DMD: variants seen among roughly 807,000 people sequenced by gnomAD.
DMD encodes the protein dystrophin.
In DMD, 63 loss-of-function variants were observed where a neutral mutation model predicts 330.1. That is an observed-to-expected ratio of 0.19 (90% CI 0.16 to 0.24). The LOEUF (loss-of-function observed/expected upper bound fraction) is 0.24. DMD is among the 10% of genes least tolerant of loss of function. The pLI, the probability that DMD is intolerant of heterozygous loss-of-function variation, is 1.00. For missense variants in DMD, 3,344 were observed against 2,684.1 expected (o/e 1.25, Z -5.43); for synonymous variants, 1,223 against 959.8 (o/e 1.27, Z -5.07).
rs765343448 is a variant in DMD, at chrX:32,458,608, C to T, written c.3433-3776G>A. 9.2e-4 allele frequency among the ~76,000 whole-genome samples: 102 copies of T among 111,351 alleles called. 1 individual carries two copies. The Middle Eastern group carries it at 0.033, about 36-fold the overall frequency. On this transcript the variant is annotated intron_variant, in intron 25 of 78. Coordinates refer to ENST00000357033, the MANE Select transcript of DMD (RefSeq NM_004006.3). ...ATGGCTGCACCAATTTACATTCCAACCAACACCATAAAAGAATTCCCTTTT... is the reference window on the plus strand; with the variant it reads ...ATGGCTGCACCAATTTACATTCCAATCAACACCATAAAAGAATTCCCTTTT...
intron 41 of DMD, among the ~76,000 whole-genome samples, chrX:32,331,566 G>A (rs762924060): frequency 1.9e-4 from 21 of 110,850 alleles, no homozygotes; most frequent in African/African-American, 6.8e-4. Flanking sequence ...ATTTGACACA[G>A]TATATTACTA....
intron 1 of DMD, among the ~76,000 whole-genome samples, chrX:33,126,448 C>T (rs998170013): frequency 7.2e-5 from 8 of 111,284 alleles, no homozygotes; most frequent in African/African-American, 2.6e-4. Flanking sequence ...AGGACTGAAT[C>T]AGAAACTCTG....
At chrX:33,277,931 G>C (rs1222562026) in intron 1 of DMD, among the ~76,000 whole-genome samples, 1 of 110,568 alleles carries the variant, frequency 9.0e-6, no homozygotes, top group Non-Finnish European at 1.9e-5. Context: ...GTGAGACCCT[G>C]TCTACACAAA....
intron 34 of DMD, among the ~76,000 whole-genome samples, chrX:32,377,797 T>A (rs2097909892): frequency 1.8e-5 from 2 of 111,446 alleles, no homozygotes; most frequent in African/African-American, 6.5e-5. Flanking sequence ...AAATGTCTCC[T>A]ATAATTCATA....
chrX:32,843,641 G>C (rs1467841018), intron 4 of DMD, among the ~76,000 whole-genome samples: 1 of 112,201 alleles, frequency 8.9e-6, no homozygotes, highest in African/African-American at 3.2e-5. Flanking sequence ...TATTTTAAGA[G>C]TAAGTGATCA....
intron 7 of DMD, among the ~76,000 whole-genome samples, chrX:32,709,241 G>A (rs1334964787): frequency 9.0e-6 from 1 of 111,521 alleles, no homozygotes; most frequent in African/African-American, 3.3e-5. Context: ...TTACAGAAGT[G>A]AAGATAATCA....
At chrX:32,499,563 G>T (rs2043833684) in intron 19 of DMD, among the ~76,000 whole-genome samples, 1 of 111,616 alleles carries the variant, frequency 9.0e-6, no homozygotes, top group Non-Finnish European at 1.9e-5. Context: ...TACAAAAAGG[G>T]CAAGAATGTA....
chrX:32,961,431 A>C (rs34890189), intron 2 of DMD, among the ~76,000 whole-genome samples: 36,840 of 109,562 alleles, frequency 0.34, 5,015 homozygotes, highest in African/African-American at 0.5. Flanking sequence ...CATTGCAAAT[A>C]CATTTAAAAA....
intron 29 of DMD, among the ~76,000 whole-genome samples, chrX:32,429,387 G>GTTTTTTTTTGTTTTT (rs2098227559): frequency 6.8e-5 from 3 of 44,197 alleles, no homozygotes; most frequent in African/African-American, 3.3e-4. Context: ...TTTTTTTTGG[G>GTTTTTTTTTGTTTTT]TTTTTTTTTT....
intron 41 of DMD, among the ~76,000 whole-genome samples, chrX:32,316,946 G>A (rs971443370): frequency 1.8e-5 from 2 of 111,056 alleles, no homozygotes; most frequent in African/African-American, 6.5e-5. Flanking sequence ...AGTGTAATTA[G>A]AAATATCATG....
At chrX:33,218,900 T>C (rs1480270586) in intron 1 of DMD, among the ~76,000 whole-genome samples, 1 of 111,930 alleles carries the variant, frequency 8.9e-6, no homozygotes, top group East Asian at 2.8e-4. Flanking sequence ...AGACCATTTA[T>C]TGAACTTTTT....
chrX:31,742,462 T>C (rs368384708), intron 51 of DMD, among the ~76,000 whole-genome samples: 29 of 112,127 alleles, frequency 2.6e-4, no homozygotes, highest in Non-Finnish European at 4.7e-4. Flanking sequence ...AATTTCAATA[T>C]TGTTGTGTCT....
At chrX:32,689,291 T>C (rs1350535199) in intron 9 of DMD, among the ~76,000 whole-genome samples, 1 of 110,531 alleles carries the variant, frequency 9.0e-6, no homozygotes, top group Non-Finnish European at 1.9e-5. Flanking sequence ...TATGAACAAT[T>C]TTACACCAAG....
At chrX:31,845,375 GTCTCTCTCTCTCTC>G (rs535397626) in intron 48 of DMD, among the ~76,000 whole-genome samples, 6,734 of 60,053 alleles carry the variant, frequency 0.11, 312 homozygotes, top group South Asian at 0.3. Flanking sequence ...ACAGAATAAA[GTCTCTCTCTCTCTC>G]TCTCTCTCTC....
chrX:31,611,189 C>T (rs1283955075), intron 55 of DMD, among the ~76,000 whole-genome samples: 2 of 109,617 alleles, frequency 1.8e-5, no homozygotes. Flanking sequence ...GGGCTCTTTA[C>T]ATATGCAGAT....
intron 9 of DMD, among the ~76,000 whole-genome samples, chrX:32,681,778 T>C (rs757284609): frequency 1.8e-5 from 2 of 112,176 alleles, no homozygotes; most frequent in African/African-American, 6.5e-5. Context: ...AATATCGTAA[T>C]GTCAGTAGTG....
At chrX:31,427,866 T>G (rs2063800707) in intron 60 of DMD, among the ~76,000 whole-genome samples, 1 of 111,890 alleles carries the variant, frequency 8.9e-6, no homozygotes, top group Non-Finnish European at 1.9e-5. Flanking sequence ...GCAGGGACAC[T>G]AAGGAGGTCT....
chrX:32,863,575 A>ACACACACACACACAC (rs746034767), intron 2 of DMD, among the ~76,000 whole-genome samples: 3 of 69,983 alleles, frequency 4.3e-5, no homozygotes, highest in African/African-American at 1.9e-4. Context: ...CACACACACA[A>ACACACACACACACAC]ATACACACAT....
chrX:32,682,468 T>G (rs935312403), intron 9 of DMD, among the ~76,000 whole-genome samples: 8 of 111,958 alleles, frequency 7.1e-5, no homozygotes, highest in Non-Finnish European at 1.1e-4. Context: ...CCAAAGCCTT[T>G]TATTGCATTT....
Sources: allele counts gnomAD v4.1 joint callset (sites outside exome capture counted in the v4.1 genomes callset), GRCh38; gene constraint gnomAD v4.1.1; transcripts MANE v1.5; gene names NCBI Gene and HGNC (gene_info 2026-07-23, HGNC 2026-07-21).